The following LEMD1 variants were observed in gnomAD, a reference collection of about 807,000 sequenced individuals.
LEMD1 encodes LEM domain-containing protein 1.
Under a neutral mutation model 17.4 loss-of-function variants are expected in LEMD1, and 18 were observed. That is an observed-to-expected ratio of 1.04 (90% CI 0.72 to 1.54). The LOEUF (loss-of-function observed/expected upper bound fraction) is 1.54, where lower values mean the gene tolerates loss of function less well. LEMD1 is among the 40% of genes most tolerant of loss of function. The pLI, the probability that LEMD1 is intolerant of heterozygous loss-of-function variation, is 0.00. For synonymous variants in LEMD1, 88 were observed against 77.8 expected, an observed-to-expected ratio of 1.13 and a Z score of -0.69; for missense variants, 195 against 210.4, an observed-to-expected ratio of 0.93 and a Z score of 0.45.
intron 1 of LEMD1, among the ~76,000 whole-genome samples, chr1:205,446,992 T>C (rs1666401348): frequency 6.6e-6 from 1 of 152,110 alleles, no homozygotes; most frequent in Non-Finnish European, 1.5e-5. Context: ...GTGATTGGAG[T>C]TGGGCCACGG....
intron 4 of LEMD1, among the ~76,000 whole-genome samples, chr1:205,411,505 A>G (rs1224414159): frequency 2.7e-5 from 4 of 150,596 alleles, no homozygotes; most frequent in African/African-American, 4.9e-5. Flanking sequence ...GCAGTGAGCC[A>G]AGATTGTGCC....
intron 4 of LEMD1, among the ~76,000 whole-genome samples, chr1:205,406,789 G>A (rs1029873904): frequency 7.2e-5 from 11 of 152,172 alleles, no homozygotes; most frequent in African/African-American, 2.2e-4. Context: ...AAATCACAGC[G>A]TCTTCTGTGT....
In LEMD1 at chr1:205,441,984, T is replaced by G. The variant is rs573298162; in HGVS notation, c.-39+7884A>C. 3.3e-5 allele frequency among the ~76,000 whole-genome samples: 5 copies of G among 152,300 alleles called. No individual in the cohort carries two copies. Among genetic ancestry groups the G allele is most frequent in the Non-Finnish European group, 4.4e-5 (3 of 68,018 alleles). The stretch of plus-strand genomic sequence containing the variant: ...CAGCTTCAGTCTGCAAGAGTATCCC[T>G]TTCTCCAAAGGCTCATTTAGGTTTC... On this transcript the variant is annotated intron_variant, in intron 1 of 3. Coordinates refer to the LEMD1 transcript ENST00000367154. This position sits in a 1 kb window ranked among gnomAD's most constrained non-coding sequence, Gnocchi z 4.3.
intron 1 of LEMD1, chr1:205,436,668 T>C (rs1666212776): frequency 6.6e-6 from 1 of 152,208 alleles, no homozygotes; most frequent in Admixed American, 6.5e-5. Context: ...ATTCATTCCT[T>C]GGGAACAGAT....
At chr1:205,425,033 A>G (rs1666037221), upstream of LEMD1, among the ~76,000 whole-genome samples, 1 of 152,198 alleles carries the variant, frequency 6.6e-6, no homozygotes, top group African/African-American at 2.4e-5. Context: ...CCACAACAGG[A>G]TGGCTGATTA....
At chr1:205,427,732 A>G (rs1463388239) in intron 1 of LEMD1, among the ~76,000 whole-genome samples, 1 of 152,170 alleles carries the variant, frequency 6.6e-6, no homozygotes, top group Non-Finnish European at 1.5e-5. Flanking sequence ...AAAGATAATA[A>G]AAGTGGAAGA....
At chr1:205,393,923 T>G (rs1334969325) in intron 4 of LEMD1, among the ~76,000 whole-genome samples, 7 of 151,298 alleles carry the variant, frequency 4.6e-5, no homozygotes, top group Non-Finnish European at 1.0e-4. Context: ...AGTGGCACTG[T>G]TCACAACAGC....
At chr1:205,433,105 C>G (rs1666150192) in intron 1 of LEMD1, among the ~76,000 whole-genome samples, 1 of 152,196 alleles carries the variant, frequency 6.6e-6, no homozygotes, top group Non-Finnish European at 1.5e-5. Context: ...CTCTGAAGCC[C>G]TGGAGCACTT....
intron 4 of LEMD1, among the ~76,000 whole-genome samples, chr1:205,400,423 G>A (rs1320925330): frequency 6.6e-6 from 1 of 152,224 alleles, no homozygotes; most frequent in Non-Finnish European, 1.5e-5. Context: ...GTGGGACACA[G>A]TGACATTGTT....
At chr1:205,447,369 A>AGG (rs1309776729) in intron 1 of LEMD1, among the ~76,000 whole-genome samples, 10 of 152,150 alleles carry the variant, frequency 6.6e-5, no homozygotes, top group Non-Finnish European at 1.2e-4. Context: ...GGTGAAATTA[A>AGG]GGGCTCTGAG....
At chr1:205,408,741 C>T (rs1665245633) in intron 4 of LEMD1, among the ~76,000 whole-genome samples, 1 of 151,896 alleles carries the variant, frequency 6.6e-6, no homozygotes, top group Non-Finnish European at 1.5e-5. Context: ...CTCAAGTGAT[C>T]CTCCCTCCTT....
chr1:205,439,731 C>T (rs1032016142), intron 1 of LEMD1, among the ~76,000 whole-genome samples: 2 of 152,176 alleles, frequency 1.3e-5, no homozygotes, highest in Non-Finnish European at 2.9e-5. Context: ...TGAGGGAGAA[C>T]AGGCTTACAG....
chr1:205,445,080 G>A (rs1391105545), intron 1 of LEMD1, among the ~76,000 whole-genome samples: 1 of 152,144 alleles, frequency 6.6e-6, no homozygotes, highest in East Asian at 1.9e-4. Flanking sequence ...AAGCAGCTGC[G>A]GCTTAGGAGA....
intron 4 of LEMD1, among the ~76,000 whole-genome samples, chr1:205,401,966 T>G (rs1373058753): frequency 6.6e-6 from 1 of 152,174 alleles, no homozygotes; most frequent in African/African-American, 2.4e-5. Context: ...GGGAATCCTT[T>G]CCCCATTGCT....
In LEMD1 at chr1:205,444,952, G is replaced by A. The variant is rs1053183581; in HGVS notation, c.-39+4916C>T. On this transcript the variant is annotated intron_variant, in intron 1 of 3. Coordinates refer to the LEMD1 transcript ENST00000367154. ...GACCCAGTAAGGAGGGTGTGCCCTCGACGCCTCTAGAACAAAGCTGAGCCC... is the reference window on the plus strand; with the variant it reads ...GACCCAGTAAGGAGGGTGTGCCCTCAACGCCTCTAGAACAAAGCTGAGCCC... 3.4e-5 allele frequency among the ~76,000 whole-genome samples: 5 copies of A among 149,146 alleles called. No individual in the cohort carries two copies. The South Asian group carries it at 1.1e-3, about 32-fold the overall frequency.
At chr1:205,444,515 T>C (rs1215739356) in intron 1 of LEMD1, among the ~76,000 whole-genome samples, 1 of 152,066 alleles carries the variant, frequency 6.6e-6, no homozygotes, top group Non-Finnish European at 1.5e-5. Context: ...CTGTGCCAGA[T>C]ACTCTCCTGG....
rs576769953 is a variant in LEMD1 at position 205,447,164 on chromosome 1, G to A, written c.-39+2704C>T. Among the ~76,000 whole-genome samples the A allele has an allele frequency of 1.2e-4, 18 of 152,346 alleles. No individual in the cohort carries two copies. The East Asian group carries it at 2.3e-3, about 20-fold the overall frequency. On this transcript the variant is annotated intron_variant, in intron 1 of 3. Coordinates refer to the LEMD1 transcript ENST00000367154. ...AGCATGGGTTTTGGCACCAGACCAC[G>A]TGGGTTCACGTCCCAGTTGTGCTCC...
At chr1:205,415,929 T>C (rs1665674099) in intron 4 of LEMD1, among the ~76,000 whole-genome samples, 2 of 152,116 alleles carry the variant, frequency 1.3e-5, no homozygotes, top group African/African-American at 2.4e-5. Flanking sequence ...AGCTAAGTGC[T>C]ATATGTGAAT....
chr1:205,411,591 A>C (rs1456061094), intron 4 of LEMD1, among the ~76,000 whole-genome samples: 1 of 149,490 alleles, frequency 6.7e-6, no homozygotes, highest in Non-Finnish European at 1.5e-5. Context: ...AGAGGAAAGG[A>C]AGGAAGGAAG....
Sources: gnomAD v4.1 joint callset for allele counts (sites outside exome capture counted in the v4.1 genomes callset) on GRCh38, gnomAD v4.1.1 for gene constraint, Gnocchi (gnomAD v3.1) non-coding constraint, MANE v1.5 for transcripts, NCBI Gene and HGNC (gene_info 2026-07-23, HGNC 2026-07-21) for gene names.